The following CAPN14 variants were observed in gnomAD, a reference collection of about 807,000 sequenced individuals.
CAPN14 encodes the protein calpain 14, also known as calpain-14.
Under a neutral mutation model 101.3 loss-of-function variants are expected in CAPN14, and 94 were observed. That is an observed-to-expected ratio of 0.93 (90% confidence interval 0.79 to 1.10). The LOEUF (loss-of-function observed/expected upper bound fraction) is 1.10. Ranked by LOEUF, CAPN14 falls within the 50% of genes least tolerant of loss-of-function variation. CAPN14 has a pLI of 0.00. For synonymous variants in CAPN14, 338 were observed against 317.9 expected (o/e 1.06, Z -0.67); for missense variants, 837 against 828.4 (o/e 1.01, Z -0.13).
chr2:31,227,555 T>C (rs1447329770), intron 1 of CAPN14, among the ~76,000 whole-genome samples: 1 of 152,224 alleles, frequency 6.6e-6, no homozygotes, highest in Non-Finnish European at 1.5e-5. Flanking sequence ...TATAGACTTA[T>C]AAAAACGTAT....
chr2:31,220,971 C>A (rs958181618), upstream of CAPN14, among the ~76,000 whole-genome samples: 1 of 152,120 alleles, frequency 6.6e-6, no homozygotes, highest in Admixed American at 6.6e-5. Flanking sequence ...CCATATATAA[C>A]TTTCAAGCAT....
chr2:31,210,266 AC>A (rs1214042575), intron 1 of CAPN14, among the ~76,000 whole-genome samples: 7 of 151,866 alleles, frequency 4.6e-5, no homozygotes, highest in African/African-American at 7.3e-5. Flanking sequence ...ACATGGTGAA[AC>A]CCCGTCTGTA....
chr2:31,208,707 G>C (rs1682234782), intron 1 of CAPN14, among the ~76,000 whole-genome samples: 1 of 152,186 alleles, frequency 6.6e-6, no homozygotes, highest in Non-Finnish European at 1.5e-5. Flanking sequence ...GGATGAAATT[G>C]GCTCATTTCC....
chr2:31,196,379 A>G (rs1186637068), intron 8 of CAPN14, among the ~76,000 whole-genome samples: 1 of 152,248 alleles, frequency 6.6e-6, no homozygotes, highest in Non-Finnish European at 1.5e-5. Context: ...GCATGTTAAA[A>G]TTTATGTATT....
At chr2:31,182,363 G>C (rs1572392758) in intron 16 of CAPN14, among the ~76,000 whole-genome samples, 1 of 148,838 alleles carries the variant, frequency 6.7e-6, no homozygotes, top group Non-Finnish European at 1.5e-5. Flanking sequence ...GGAAATAAAG[G>C]GTATTCAATT....
At chr2:31,192,207 C>A (rs937317364) in intron 10 of CAPN14, 109 bp from the exon 11 acceptor site, 2 of 1,250,822 alleles carry the variant, frequency 1.6e-6, no homozygotes, top group South Asian at 3.4e-5. Flanking sequence ...AGGATTGACA[C>A]CCTGAGGCCC....
intron 3 of CAPN14, among the ~76,000 whole-genome samples, chr2:31,202,685 TA>T (rs1188997458): frequency 1.3e-5 from 2 of 152,114 alleles, no homozygotes; most frequent in African/African-American, 4.8e-5. Flanking sequence ...TTTACTATTT[TA>T]AAAAGGTAGA....
At chr2:31,179,256 G>A (rs1398704606) in intron 17 of CAPN14, among the ~76,000 whole-genome samples, 3 of 151,756 alleles carry the variant, frequency 2.0e-5, no homozygotes, top group South Asian at 2.1e-4. Context: ...AGGGTGTGAT[G>A]TTCCCCACAC....
chr2:31,200,311 C>T, intron 6 of CAPN14, 140 bp downstream of exon 6: 1 of 723,892 alleles, frequency 1.4e-6, no homozygotes, highest in East Asian at 2.9e-5. Flanking sequence ...GGCCTTGCTG[C>T]TCTGGTTTGA....
chr2:31,181,153 C>T (rs1558612065), intron 16 of CAPN14, among the ~76,000 whole-genome samples, 153 bp from the exon 17 acceptor site: 1 of 152,018 alleles, frequency 6.6e-6, no homozygotes, highest in Non-Finnish European at 1.5e-5. Context: ...AGTAGAGAGA[C>T]GGGGGGGTGA....
chr2:31,179,940 G>A (rs1419829678), intron 17 of CAPN14, among the ~76,000 whole-genome samples: 1 of 152,170 alleles, frequency 6.6e-6, no homozygotes, highest in African/African-American at 2.4e-5. Context: ...TTAAAAAATA[G>A]TAACCTTTTT....
chr2:31,188,495 T>G lies in CAPN14; in HGVS notation c.1494-141A>C, dbSNP rs1030025252. On this transcript the variant is annotated intron_variant, in intron 13 of 21. Coordinates refer to ENST00000403897, the MANE Select transcript of CAPN14 (RefSeq NM_001145122.2). ...GCCCACCCAGCTCTCACACCTCACC[T>G]CCTGCTTCCCCTTGAACTGTACATT... 4.2e-6 allele frequency: 3 copies of G among 711,452 alleles called. No individual in the cohort carries two copies. The African/African-American group carries it at 5.3e-5, about 12-fold the overall frequency. The allele number at this position is 711,452 out of a possible 1,614,324, so 44.1% of individuals were successfully genotyped here.
At chr2:31,191,198 G>A (rs1168017852) in intron 12 of CAPN14, among the ~76,000 whole-genome samples, 9 of 151,826 alleles carry the variant, frequency 5.9e-5, no homozygotes, top group African/African-American at 9.7e-5. Flanking sequence ...GGATCTCTTG[G>A]GGGTCTTTGG....
intron 16 of CAPN14, among the ~76,000 whole-genome samples, chr2:31,185,139 G>A (rs1354835540): frequency 2.0e-5 from 3 of 152,126 alleles, no homozygotes; most frequent in African/African-American, 7.2e-5. Context: ...GCTCCAATAA[G>A]CCTATATTCC....
Position 31,230,131 on chromosome 2 carries a change from G to C in CAPN14, c.-176-3480C>G, listed in dbSNP as rs910251246. Among the ~76,000 whole-genome samples the C allele has an allele frequency of 3.3e-5, 5 of 152,164 alleles. No homozygotes were observed. The highest frequency in any genetic ancestry group is 1.2e-4 in the African/African-American group (5 of 41,430). On this transcript the variant is annotated intron_variant and NMD_transcript_variant, in intron 1 of 21. Transcript: ENST00000398824. This position sits in a 1 kb window ranked among gnomAD's most constrained non-coding sequence, Gnocchi z 4.3. Reference sequence around the variant, plus strand: ...TTGTACAGATGATTTCATCACCCAGGTGTTAAGTCTAGTAACCAATAGTTC... The same window carrying C: ...TTGTACAGATGATTTCATCACCCAGCTGTTAAGTCTAGTAACCAATAGTTC...
intron 2 of CAPN14, among the ~76,000 whole-genome samples, chr2:31,222,837 C>CCA (rs1682899951): frequency 6.6e-6 from 1 of 152,128 alleles, no homozygotes; most frequent in Non-Finnish European, 1.5e-5. Flanking sequence ...ATCCTGACCC[C>CCA]CAGTGTGATC....
chr2:31,229,596 T>C (rs1436837328), intron 1 of CAPN14, among the ~76,000 whole-genome samples: 1 of 149,902 alleles, frequency 6.7e-6, no homozygotes, highest in Non-Finnish European at 1.5e-5. Context: ...TGAGAATCTC[T>C]TGAACCCAGG....
intron 12 of CAPN14, among the ~76,000 whole-genome samples, chr2:31,191,076 C>T (rs1443034363): frequency 6.6e-6 from 1 of 152,072 alleles, no homozygotes; most frequent in East Asian, 1.9e-4. Context: ...ATCATCTTTC[C>T]TATGCTGTGA....
intron 1 of CAPN14, among the ~76,000 whole-genome samples, chr2:31,214,562 A>C (rs1217680245): frequency 6.6e-6 from 1 of 152,142 alleles, no homozygotes; most frequent in Admixed American, 6.5e-5. Flanking sequence ...AAGCGGCAGG[A>C]AGTCCCTTAA....
Sources: gnomAD v4.1 joint callset for allele counts (sites outside exome capture counted in the v4.1 genomes callset) on GRCh38, gnomAD v4.1.1 for gene constraint, Gnocchi (gnomAD v3.1) non-coding constraint, MANE v1.5 for transcripts, NCBI Gene and HGNC (gene_info 2026-07-23, HGNC 2026-07-21) for gene names.